CAMK1D: variants seen among roughly 807,000 people sequenced by gnomAD.
CAMK1D encodes the protein calcium/calmodulin-dependent protein kinase type 1D.
Under a neutral mutation model 47.7 loss-of-function variants are expected in CAMK1D, and 9 were observed. The ratio of observed to expected loss-of-function variants is 0.19; its 90% CI spans 0.11 to 0.33. The LOEUF (loss-of-function observed/expected upper bound fraction) is 0.33. Ranked by LOEUF, CAMK1D falls within the 10% of genes least tolerant of loss-of-function variation. The probability of loss-of-function intolerance (pLI) is 1.00; values close to 1 mark genes in which losing one functional copy is unlikely to be tolerated. For missense variants in CAMK1D, 291 were observed against 488.7 expected (o/e 0.60, Z 3.81); for synonymous variants, 184 against 184.9 (o/e 0.99, Z 0.04).
intron 1 of CAMK1D, among the ~76,000 whole-genome samples, chr10:12,377,055 C>T (rs1564301713): frequency 6.6e-6 from 1 of 152,132 alleles, no homozygotes; most frequent in Non-Finnish European, 1.5e-5. Flanking sequence ...GCCACCGCAC[C>T]CGGCCTTATT....
chr10:12,666,623 T>C (rs1840439561), intron 2 of CAMK1D, 113 bp from the exon 3 acceptor site: 1 of 798,326 alleles, frequency 1.3e-6, no homozygotes, highest in Non-Finnish European at 2.1e-6. Context: ...TGAAATCTTT[T>C]TGTTCAGGAG....
chr10:12,474,046 C>T (rs981965199), intron 1 of CAMK1D, among the ~76,000 whole-genome samples: 4 of 152,084 alleles, frequency 2.6e-5, no homozygotes, highest in African/African-American at 9.7e-5. Flanking sequence ...TTAGAGTCCC[C>T]TTGGACTTCC....
chr10:12,547,151 A>G (rs7078960), intron 1 of CAMK1D, among the ~76,000 whole-genome samples: 104,742 of 152,004 alleles, frequency 0.69, 36,295 homozygotes, highest in African/African-American at 0.76. Context: ...GGAAATGGAC[A>G]TAAAGGCAGA....
intron 2 of CAMK1D, among the ~76,000 whole-genome samples, chr10:12,633,745 T>TG (rs1839442148): frequency 6.6e-6 from 1 of 151,924 alleles, no homozygotes; most frequent in Non-Finnish European, 1.5e-5. Context: ...TTGGTGGAGA[T>TG]GGGGTCTCTC....
chr10:12,747,565 C>T lies in CAMK1D; in HGVS notation c.300-13383C>T, dbSNP rs1432240900. Among the ~76,000 whole-genome samples, 3 of 152,162 alleles carry T rather than the reference C, an allele frequency of 2.0e-5. No individual in the cohort carries two copies. The East Asian group carries it at 5.8e-4, about 29-fold the overall frequency. ...CTGGTCTTGAACTCCTGGCTTCAAGCGATCCTCCTGCCTTGGCTTCCCAGA... is the reference window on the plus strand; with the variant it reads ...CTGGTCTTGAACTCCTGGCTTCAAGTGATCCTCCTGCCTTGGCTTCCCAGA... On this transcript the variant is annotated intron_variant, in intron 3 of 10. Transcript: ENST00000619168.
chr10:12,550,305 A>G (rs1185694875), intron 1 of CAMK1D, among the ~76,000 whole-genome samples: 1 of 152,148 alleles, frequency 6.6e-6, no homozygotes, highest in Non-Finnish European at 1.5e-5. Flanking sequence ...AAAACCACCC[A>G]TGGTGCTTGA....
At chr10:12,578,570 CAA>C (rs781669327) in intron 2 of CAMK1D, among the ~76,000 whole-genome samples, 2 of 93,322 alleles carry the variant, frequency 2.1e-5, no homozygotes. Flanking sequence ...AACTCCATCT[CAA>C]AAAAAAAAAA....
chr10:12,693,019 A>G (rs1464742999), intron 3 of CAMK1D, among the ~76,000 whole-genome samples: 1 of 152,168 alleles, frequency 6.6e-6, no homozygotes, highest in Non-Finnish European at 1.5e-5. Context: ...TGAGTAAAGC[A>G]GATCATCCTC....
At chr10:12,648,115 T>G (rs1839861058) in intron 2 of CAMK1D, among the ~76,000 whole-genome samples, 1 of 152,224 alleles carries the variant, frequency 6.6e-6, no homozygotes, top group Non-Finnish European at 1.5e-5. Flanking sequence ...CTGTTTTGAT[T>G]TATAACTTTA....
At chr10:12,694,515 AAT>A (rs1376017647) in intron 3 of CAMK1D, among the ~76,000 whole-genome samples, 1 of 78,080 alleles carries the variant, frequency 1.3e-5, no homozygotes, top group Admixed American at 1.7e-4. Flanking sequence ...TATTATATAA[AAT>A]ATATATGATA....
At chr10:12,800,888 C>T (rs529697970) in intron 6 of CAMK1D, among the ~76,000 whole-genome samples, 121 of 152,298 alleles carry the variant, frequency 7.9e-4, no homozygotes, top group African/African-American at 2.9e-3. Flanking sequence ...TCTGTCCCTT[C>T]TGCAGCAGCT....
At chr10:12,482,485 T>C (rs1834093479) in intron 1 of CAMK1D, among the ~76,000 whole-genome samples, 1 of 152,136 alleles carries the variant, frequency 6.6e-6, no homozygotes. Context: ...GGAAAGAAAG[T>C]TGGAATAATA....
intron 3 of CAMK1D, among the ~76,000 whole-genome samples, chr10:12,684,564 A>G (rs1832580717): frequency 6.6e-6 from 1 of 152,244 alleles, no homozygotes; most frequent in African/African-American, 2.4e-5. Context: ...AAAGGCATCC[A>G]AATCGTGGGA....
intron 1 of CAMK1D, among the ~76,000 whole-genome samples, chr10:12,546,344 C>T (rs1288352741): frequency 2.0e-5 from 3 of 149,690 alleles, no homozygotes; most frequent in Non-Finnish European, 4.5e-5. Flanking sequence ...AAAACCTGAA[C>T]GTAGTTGGTG....
At chr10:12,790,155 A>G (rs2130995208) in intron 5 of CAMK1D, among the ~76,000 whole-genome samples, 1 of 152,390 alleles carries the variant, frequency 6.6e-6, no homozygotes, top group South Asian at 2.1e-4. Context: ...AGCCCCCAGC[A>G]TGGATGACTC....
At chr10:12,802,231 C>T (rs780486648) in intron 6 of CAMK1D, among the ~76,000 whole-genome samples, 5 of 152,220 alleles carry the variant, frequency 3.3e-5, no homozygotes, top group Non-Finnish European at 7.3e-5. Context: ...CAGCGAGGCA[C>T]TCCTGTCCCC....
At chr10:12,472,084 C>T (rs1037193218) in intron 1 of CAMK1D, among the ~76,000 whole-genome samples, 1 of 151,766 alleles carries the variant, frequency 6.6e-6, no homozygotes, top group Non-Finnish European at 1.5e-5. Context: ...GAAAAGCTGT[C>T]TCTGAGTTTG....
chr10:12,795,572 C>T (rs934816998), intron 6 of CAMK1D, among the ~76,000 whole-genome samples: 1 of 152,180 alleles, frequency 6.6e-6, no homozygotes, highest in African/African-American at 2.4e-5. Flanking sequence ...GCATAGCACT[C>T]TTATTTTTTA....
At chr10:12,745,426 C>T (rs912403414) in intron 3 of CAMK1D, among the ~76,000 whole-genome samples, 1 of 151,998 alleles carries the variant, frequency 6.6e-6, no homozygotes, top group Non-Finnish European at 1.5e-5. Context: ...CACACACACG[C>T]TAGAATACTA....
Sources: allele counts gnomAD v4.1 joint callset (sites outside exome capture counted in the v4.1 genomes callset), GRCh38; gene constraint gnomAD v4.1.1; transcripts MANE v1.5; gene names NCBI Gene and HGNC (gene_info 2026-07-23, HGNC 2026-07-21).